The following PLCXD3 variants were observed in gnomAD, a reference collection of about 807,000 sequenced individuals.
PLCXD3 encodes the protein phosphatidylinositol specific phospholipase C X domain containing 3.
Under a neutral mutation model 25.5 loss-of-function variants are expected in PLCXD3, and 19 were observed. The observed-to-expected ratio is 0.75, with a 90% CI of 0.52 to 1.09. The LOEUF (loss-of-function observed/expected upper bound fraction) is 1.09. Ranked by LOEUF, PLCXD3 falls within the 50% of genes least tolerant of loss-of-function variation. The probability of loss-of-function intolerance (pLI) is 0.00; values close to 1 mark genes in which losing one functional copy is unlikely to be tolerated. For synonymous variants in PLCXD3, 174 were observed against 137.6 expected (o/e 1.26, Z -1.85); for missense variants, 411 against 388.1 (o/e 1.06, Z -0.50).
intron 2 of PLCXD3, among the ~76,000 whole-genome samples, chr5:41,320,871 A>T (rs912423309): frequency 6.6e-6 from 1 of 152,252 alleles, no homozygotes; most frequent in Non-Finnish European, 1.5e-5. Context: ...ATTGATGCTG[A>T]AAAAGCATTT....
intron 2 of PLCXD3, among the ~76,000 whole-genome samples, chr5:41,340,161 A>C (rs2150477408): frequency 6.6e-6 from 1 of 152,250 alleles, no homozygotes; most frequent in African/African-American, 2.4e-5. Context: ...CCTCTTTTAG[A>C]TAATCAGGAG....
chr5:41,400,331 T>C (rs1360170460), intron 1 of PLCXD3, among the ~76,000 whole-genome samples: 1 of 152,114 alleles, frequency 6.6e-6, no homozygotes, highest in African/African-American at 2.4e-5. Context: ...GCCATCCCAC[T>C]GCTGGGTATA....
intron 2 of PLCXD3, among the ~76,000 whole-genome samples, chr5:41,345,718 A>T (rs1744279931): frequency 6.6e-6 from 1 of 150,402 alleles, no homozygotes; most frequent in Non-Finnish European, 1.5e-5. Context: ...ACACACACAC[A>T]CATTCAGGTC....
chr5:41,407,044 A>G (rs981376984), intron 1 of PLCXD3, among the ~76,000 whole-genome samples: 2 of 152,062 alleles, frequency 1.3e-5, no homozygotes, highest in Non-Finnish European at 2.9e-5. Context: ...GCCTGCCAGT[A>G]TTTTTTTCAT....
At chr5:41,317,597 A>G (rs1330459711) in intron 2 of PLCXD3, among the ~76,000 whole-genome samples, 2 of 152,156 alleles carry the variant, frequency 1.3e-5, no homozygotes, top group African/African-American at 4.8e-5. Flanking sequence ...TGTGTTAAGG[A>G]AACTCAAATA....
intron 2 of PLCXD3, among the ~76,000 whole-genome samples, chr5:41,363,018 A>G (rs1269380924): frequency 2.6e-5 from 4 of 152,190 alleles, no homozygotes; most frequent in Admixed American, 6.6e-5. Context: ...TGTCCATAGA[A>G]ACTGTCATTG....
At chr5:41,401,924 C>T (rs1156948729) in intron 1 of PLCXD3, among the ~76,000 whole-genome samples, 4 of 151,836 alleles carry the variant, frequency 2.6e-5, no homozygotes, top group Admixed American at 6.6e-5. Flanking sequence ...ACTTTTAATG[C>T]CTGTAGGATC....
At position 41,355,735 on chromosome 5, in the gene PLCXD3, G is replaced by A. The variant is rs112492304; in HGVS notation, c.812+26091C>T. Among the ~76,000 whole-genome samples, 1,204 of 152,308 alleles carry A rather than the reference G, an allele frequency of 7.9e-3. 16 individuals are homozygous for A. Among genetic ancestry groups the A allele is most frequent in the African/African-American group, 0.028 (1,156 of 41,572 alleles). ...TATCCATGCATGCTGCCCTAGTCACGAGAGTGGGTTGCATGTAACATACTT... is the reference window on the plus strand; with the variant it reads ...TATCCATGCATGCTGCCCTAGTCACAAGAGTGGGTTGCATGTAACATACTT... On this transcript the variant is annotated intron_variant, in intron 2 of 2. Transcript: ENST00000377801.
At chr5:41,445,910 G>A (rs947924974) in intron 1 of PLCXD3, among the ~76,000 whole-genome samples, 8 of 151,774 alleles carry the variant, frequency 5.3e-5, no homozygotes, top group Admixed American at 4.6e-4. Context: ...CAACGAGGCC[G>A]GGCGCGGTGG....
intron 1 of PLCXD3, among the ~76,000 whole-genome samples, chr5:41,487,708 G>A (rs1748549839): frequency 6.6e-6 from 1 of 152,134 alleles, no homozygotes; most frequent in African/African-American, 2.4e-5. Flanking sequence ...GAGACTAGAG[G>A]AGGAAAAGAA....
At chr5:41,472,127 G>A (rs1388615246) in intron 1 of PLCXD3, among the ~76,000 whole-genome samples, 1 of 151,314 alleles carries the variant, frequency 6.6e-6, no homozygotes, top group Non-Finnish European at 1.5e-5. Context: ...TACCTAAAAT[G>A]TTAATTGACA....
At chr5:41,393,058 C>T (rs983703303) in intron 1 of PLCXD3, among the ~76,000 whole-genome samples, 16 of 152,104 alleles carry the variant, frequency 1.1e-4, no homozygotes, top group African/African-American at 3.6e-4. Flanking sequence ...AGCACTTAGA[C>T]AGAATCTAGA....
At chr5:41,470,596 C>T (rs1748130335) in intron 1 of PLCXD3, among the ~76,000 whole-genome samples, 1 of 152,070 alleles carries the variant, frequency 6.6e-6, no homozygotes, top group Admixed American at 6.5e-5. Flanking sequence ...GCAGGCATAC[C>T]ATGGAAATTG....
rs543727503 is a variant in PLCXD3, at chr5:41,389,868, C to G, written c.104-7334G>C. Among the ~76,000 whole-genome samples, 3 of 152,178 alleles carry G rather than the reference C, an allele frequency of 2.0e-5. No individual in the cohort carries two copies. The South Asian group carries it at 6.2e-4, about 32-fold the overall frequency. ...TTATTATTGAGGAATAATGTACAGACAGTAAAATGTATTCATTTTAAGTAT... is the reference window on the plus strand; with the variant it reads ...TTATTATTGAGGAATAATGTACAGAGAGTAAAATGTATTCATTTTAAGTAT... On this transcript the variant is annotated intron_variant, in intron 1 of 2. Transcript: ENST00000377801.
chr5:41,381,359 G>A (rs1412252936), intron 2 of PLCXD3, among the ~76,000 whole-genome samples: 1 of 152,142 alleles, frequency 6.6e-6, no homozygotes. Context: ...ATGTGAGTGT[G>A]ACATTATTTG....
intron 1 of PLCXD3, among the ~76,000 whole-genome samples, chr5:41,481,933 A>G (rs535234641): frequency 7.2e-5 from 11 of 152,324 alleles, no homozygotes; most frequent in African/African-American, 2.6e-4. Context: ...CTTTAATTAG[A>G]TATTCAGAGC....
At chr5:41,355,283 A>C (rs1310969178) in intron 2 of PLCXD3, among the ~76,000 whole-genome samples, 2 of 152,222 alleles carry the variant, frequency 1.3e-5, no homozygotes, top group East Asian at 3.8e-4. Context: ...AATGTGAATG[A>C]TTCTTCTGTC....
intron 1 of PLCXD3, among the ~76,000 whole-genome samples, chr5:41,447,998 A>T (rs1315097570): frequency 1.3e-5 from 2 of 152,200 alleles, no homozygotes; most frequent in Non-Finnish European, 2.9e-5. Context: ...GACCAAAATT[A>T]TGGGGGACAA....
intron 1 of PLCXD3, among the ~76,000 whole-genome samples, chr5:41,464,025 C>T (rs1747953757): frequency 6.6e-6 from 1 of 151,984 alleles, no homozygotes; most frequent in African/African-American, 2.4e-5. Context: ...TGCTGACTAC[C>T]TTAGCTACCA....
Sources: gnomAD v4.1 joint callset for allele counts (sites outside exome capture counted in the v4.1 genomes callset) on GRCh38, gnomAD v4.1.1 for gene constraint, MANE v1.5 for transcripts, NCBI Gene and HGNC (gene_info 2026-07-23, HGNC 2026-07-21) for gene names.